Variants in PTCH1 observed in about 807,000 individuals in gnomAD.
PTCH1 encodes the protein patched 1.
PTCH1 carries 14 observed loss-of-function variants against 144.6 expected under a neutral mutation model. The observed-to-expected ratio is 0.10, with a 90% confidence interval of 0.06 to 0.15. PTCH1 has a LOEUF of 0.15. PTCH1 is among the 10% of genes least tolerant of loss of function. The pLI, the probability that PTCH1 is intolerant of heterozygous loss-of-function variation, is 1.00. For synonymous variants in PTCH1, 833 were observed against 793.6 expected, an observed-to-expected ratio of 1.05 and a Z score of -0.83; for missense variants, 1,623 against 1,948.3, an observed-to-expected ratio of 0.83 and a Z score of 3.14.
rs566028887 is a variant in PTCH1 at position 95,491,952 on chromosome 9, C to T, written c.395-6078G>A. The stretch of plus-strand genomic sequence containing the variant: ...ATGGGCTTATTGAAAACTAACGCAT[C>T]GTGCATTCACAACCAAACAGGAAAT... On this transcript the variant is annotated intron_variant, in intron 2 of 23. Coordinates refer to ENST00000331920, the MANE Select transcript of PTCH1 (RefSeq NM_000264.5). Among the ~76,000 whole-genome samples the T allele has an allele frequency of 1.1e-4, 17 of 152,278 alleles. No individual in the cohort carries two copies. In the South Asian group the frequency reaches 2.7e-3, roughly 24 times the overall value.
chr9:95,446,731 C>T (rs1837929215), intron 23 of PTCH1, 180 bp downstream of exon 23: 2 of 787,630 alleles, frequency 2.5e-6, no homozygotes, highest in East Asian at 2.7e-5. Flanking sequence ...GACTGGTTCC[C>T]CAAGGATGAC....
intron 15 of PTCH1, 94 bp downstream of exon 15, chr9:95,467,022 T>G (rs1840061153): frequency 7.3e-7 from 1 of 1,376,544 alleles, no homozygotes; most frequent in African/African-American, 1.5e-5. Context: ...AGTGTTACAT[T>G]CTAATCTAAC....
Position 95,468,781 on chromosome 9 carries a change from A to G in PTCH1, c.2220T>C (p.Tyr740=), listed in dbSNP as rs1343177940. The G allele has an allele frequency of 6.2e-7, 1 of 1,614,234 alleles. No homozygotes were observed. The highest frequency in any genetic ancestry group is 1.3e-5 in the African/African-American group (1 of 75,066). The change falls in exon 14 of 24, where the codon TAT becomes TAC. Residue 740 remains tyrosine (Y), a synonymous_variant. Transcript: ENST00000331920. ...CTTTTGGTTTCAAGAGGAAAGGAGC[A>G]TAGTGCTTCTCAGCAAAAGATGAGA... The part of the protein sequence containing the change: ...WTLSSFAEKH[Y]APFLLKPKAK...
At chr9:95,486,844 T>C (rs780237846) in intron 2 of PTCH1, among the ~76,000 whole-genome samples, 29 of 152,194 alleles carry the variant, frequency 1.9e-4, no homozygotes, top group Non-Finnish European at 4.0e-4. Context: ...CTCAGGGAGA[T>C]ACTAATAGTT....
Position 95,449,114 on chromosome 9 carries a change from T to C in PTCH1, c.3759A>G (p.Gln1253=), listed in dbSNP as rs1220180319. Residue 1253 remains glutamine (Q), a synonymous_variant, in exon 22 of 24, where the codon CAA becomes CAG. Transcript: ENST00000331920. This position sits in a 1 kb window ranked among gnomAD's most constrained non-coding sequence, Gnocchi z 5.3. ...GGTTTTCTGTGGCTTCCACGATCAC[T>C]TGGTGGGCAGGGCCTCCCGCGCCCT... is the stretch of plus-strand genomic sequence containing the variant. ...AQQGAGGPAH[Q]VIVEATENPV... 14 of 1,614,110 alleles carry C rather than the reference T, an allele frequency of 8.7e-6. No individual in the cohort carries two copies. The highest frequency in any genetic ancestry group is 1.2e-5 in the Non-Finnish European group (14 of 1,180,054).
intron 15 of PTCH1, 48 bp downstream of exon 15, chr9:95,467,068 T>G: frequency 6.3e-7 from 1 of 1,581,806 alleles, no homozygotes; most frequent in Non-Finnish European, 8.7e-7. Context: ...CTGTTGAAGC[T>G]GAACACGCAA....
chr9:95,485,661 G>T (rs45623940), intron 3 of PTCH1, 24 bp downstream of exon 3: 1 of 1,613,766 alleles, frequency 6.2e-7, no homozygotes, highest in Non-Finnish European at 8.5e-7. Flanking sequence ...CTGCTCATTA[G>T]TAGGTGGACG....
intron 19 of PTCH1, among the ~76,000 whole-genome samples, chr9:95,455,442 C>T (rs28390100): frequency 6.6e-6 from 1 of 152,156 alleles, no homozygotes; most frequent in Non-Finnish European, 1.5e-5. Flanking sequence ...AACAGGTGAA[C>T]GCATTTACTT....
At position 95,506,282 on chromosome 9, in the gene PTCH1, C is replaced by T; in HGVS notation, c.394+125G>A. The T allele has an allele frequency of 2.6e-6, 3 of 1,147,392 alleles. No homozygotes were observed. The South Asian group carries it at 4.6e-5, about 18-fold the overall frequency. The allele number at this position is 1,147,392 out of a possible 1,614,324, so 71.1% of individuals were successfully genotyped here. On this transcript the variant is annotated intron_variant, in intron 2 of 23. Coordinates refer to ENST00000331920, the MANE Select transcript of PTCH1 (RefSeq NM_000264.5). The stretch of plus-strand genomic sequence containing the variant: ...CCAGGCGCCCAAACAATAAACAATC[C>T]CCCGGGTGCGGGCAGGGGGTTTCGC...
Position 95,467,321 on chromosome 9 carries a change from G to C in PTCH1, c.2355C>G (p.Thr785=), listed in dbSNP as rs962296305. 6.2e-7 allele frequency: 1 copy of C among 1,614,180 alleles called. No individual in the cohort carries two copies. Among genetic ancestry groups the C allele is most frequent in the Non-Finnish European group, 8.5e-7 (1 of 1,180,026 alleles). ...GTGCAGCAATAAAGTCATATTCTCT[G>C]GTTTCCCGAGGTACAATGTCCGTAA... ...LDLTDIVPRE[T]REYDFIAAQF... Residue 785 remains threonine (T), a synonymous_variant, in exon 15 of 24, where the codon ACC becomes ACG. Transcript: ENST00000331920.
At position 95,508,042 on chromosome 9, in the gene PTCH1, AGTGT is replaced by A. The variant is rs962367211; in HGVS notation, c.201+115_201+118del. The A allele has an allele frequency of 1.7e-3, 1,488 of 857,990 alleles. 11 individuals carry two copies. Among genetic ancestry groups the A allele is most frequent in the East Asian group, 8.7e-4 (21 of 24,118 alleles). The allele number at this position is 857,990 out of a possible 1,614,324, so 53.1% of individuals were successfully genotyped here. The stretch of plus-strand genomic sequence containing the variant: ...TGCTTTTCCTGGAGAGGTGTGAGTG[AGTGT>A]GTGTGTGTGTGTGAGAGAGAGAGGA... On this transcript the variant is annotated intron_variant, in intron 1 of 23. Coordinates refer to ENST00000331920, the MANE Select transcript of PTCH1 (RefSeq NM_000264.5).
chr9:95,447,431 C>A lies in PTCH1; in HGVS notation c.3825G>T (p.Arg1275Ser). 6.3e-7 allele frequency: 1 copy of A among 1,595,734 alleles called. No homozygotes were observed. Among genetic ancestry groups the A allele is most frequent in the Non-Finnish European group, 8.5e-7 (1 of 1,172,450 alleles). ...GTCTCGGGTTCGAGGGTGGGTGATG[C>A]CTGGATTCGGGATGGACCACCTGCA... is the stretch of plus-strand genomic sequence containing the variant. Reference protein sequence around the residue: ...AHSTVVHPESRHHPPSNPRQQ... With the variant: ...AHSTVVHPESSHHPPSNPRQQ... The change falls in exon 23 of 24, where the codon AGG becomes AGT. Residue 1275 changes from arginine (R) to serine (S), a missense_variant. Coordinates refer to ENST00000331920, the MANE Select transcript of PTCH1 (RefSeq NM_000264.5).
In PTCH1 at chr9:95,516,302, C is replaced by T. The variant is rs1203440199; in HGVS notation, c.3+167G>A. 2.7e-5 allele frequency among the ~76,000 whole-genome samples: 4 copies of T among 146,492 alleles called. No individual in the cohort carries two copies. The East Asian group carries it at 5.9e-4, about 22-fold the overall frequency. ...CCGCGCCCAGGCGGCGCAGCCCACCCGGCTCCACGGCCCCGGCGCGCGGCC... is the reference window on the plus strand; with the variant it reads ...CCGCGCCCAGGCGGCGCAGCCCACCTGGCTCCACGGCCCCGGCGCGCGGCC... On this transcript the variant is annotated intron_variant, in intron 1 of 22. Coordinates refer to the PTCH1 transcript ENST00000430669.
chr9:95,482,110 T>G, intron 4 of PTCH1, 24 bp downstream of exon 4: 1 of 1,613,552 alleles, frequency 6.2e-7, no homozygotes, highest in East Asian at 2.2e-5. Context: ...CTGAGAAATT[T>G]TTGCCAACAA....
Position 95,485,773 on chromosome 9 carries a change from C to T in PTCH1, c.496G>A (p.Gly166Ser), listed in dbSNP as rs2118543729. 1.2e-6 allele frequency: 2 copies of T among 1,614,168 alleles called. No homozygotes were observed. The highest frequency in any genetic ancestry group is 1.7e-6 in the Non-Finnish European group (2 of 1,180,026). The change falls in exon 3 of 24, where the codon GGT becomes AGT. Residue 166 changes from glycine (G) to serine (S), a missense_variant. This residue lies in a region of PTCH1 where 245 missense variants were observed against 240.6 expected (regional missense o/e 1.02). Coordinates refer to ENST00000331920, the MANE Select transcript of PTCH1 (RefSeq NM_000264.5). ...QLMIQTPKEE[G>S]ANVLTTEALL... ...GCTTCTGTGGTCAGGACATTAGCACCTTCTTCTTTAGGGGTCTGTATCATG... is the reference window on the plus strand; with the variant it reads ...GCTTCTGTGGTCAGGACATTAGCACTTTCTTCTTTAGGGGTCTGTATCATG...
chr9:95,451,340 C>T lies in PTCH1; in HGVS notation c.3450-1400G>A, dbSNP rs531676725. The stretch of plus-strand genomic sequence containing the variant: ...GACGGCTTAGCATATACAGTGTCTG[C>T]TCATTTATTTGACCTTGGTGAGGCC... On this transcript the variant is annotated intron_variant, in intron 20 of 23. Coordinates refer to ENST00000331920, the MANE Select transcript of PTCH1 (RefSeq NM_000264.5). 6 of 152,322 alleles carry T rather than the reference C, an allele frequency of 3.9e-5. No homozygotes were observed. The East Asian group carries it at 1.2e-3, about 29-fold the overall frequency. The allele number at this position is 152,322 out of a possible 1,614,324, so 9.4% of individuals were successfully genotyped here. A position where few individuals can be genotyped will look rare whatever the true frequency, so the allele number is the denominator to read the frequency against.
At chr9:95,499,494 G>A (rs1177223549) in intron 2 of PTCH1, among the ~76,000 whole-genome samples, 1 of 151,306 alleles carries the variant, frequency 6.6e-6, no homozygotes, top group East Asian at 2.0e-4. Context: ...GGGAGAAGGG[G>A]CAGGAGGGAA....
intron 2 of PTCH1, among the ~76,000 whole-genome samples, chr9:95,493,185 A>G (rs528449709): frequency 2.6e-5 from 4 of 152,188 alleles, no homozygotes; most frequent in Non-Finnish European, 4.4e-5. Flanking sequence ...TCCACTGTAG[A>G]CAAGAGATGT....
Position 95,480,640 on chromosome 9 carries a change from C to T in PTCH1, c.747-52G>A, listed in dbSNP as rs760768347. 9.6e-6 allele frequency: 15 copies of T among 1,559,940 alleles called. 1 individual carries two copies. The highest frequency in any genetic ancestry group is 4.5e-5 in the South Asian group (4 of 89,866). ...CATGAAAAGAGCCTTCTAAACGCAT[C>T]GTAAAGTAACACGGCTGCGCCCACT... On this transcript the variant is annotated intron_variant, in intron 5 of 23. Coordinates refer to ENST00000331920, the MANE Select transcript of PTCH1 (RefSeq NM_000264.5).
Sources: allele counts gnomAD v4.1 joint callset (sites outside exome capture counted in the v4.1 genomes callset), GRCh38; gene constraint gnomAD v4.1.1; regional missense constraint gnomAD v4.1.1; non-coding constraint Gnocchi (gnomAD v3.1); transcripts MANE v1.5; gene names NCBI Gene and HGNC (gene_info 2026-07-23, HGNC 2026-07-21).